Variants in CTNNA3 observed in about 807,000 individuals in gnomAD.
The protein encoded by CTNNA3 is catenin alpha 3.
CTNNA3 carries 76 observed loss-of-function variants against 95.7 expected under a neutral mutation model. The observed-to-expected ratio is 0.79, with a 90% CI of 0.66 to 0.96. CTNNA3 has a LOEUF of 0.96. Ranked by LOEUF, CTNNA3 falls within the 40% of genes least tolerant of loss-of-function variation. The pLI, the probability that CTNNA3 is intolerant of heterozygous loss-of-function variation, is 0.00. For missense variants in CTNNA3, 1,191 were observed against 1,089.8 expected, an observed-to-expected ratio of 1.09 and a Z score of -1.31; for synonymous variants, 431 against 374.4, an observed-to-expected ratio of 1.15 and a Z score of -1.74.
intron 5 of CTNNA3, among the ~76,000 whole-genome samples, chr10:67,406,948 C>A (rs1421359051): frequency 6.6e-6 from 1 of 152,026 alleles, no homozygotes; most frequent in Non-Finnish European, 1.5e-5. Flanking sequence ...CCAAAAAAAG[C>A]CCATAACCAG....
chr10:66,023,255 G>A (rs141428790), intron 15 of CTNNA3, among the ~76,000 whole-genome samples: 2 of 152,262 alleles, frequency 1.3e-5, no homozygotes, highest in East Asian at 3.9e-4. Flanking sequence ...TAAGTAGTTC[G>A]TGGAATTGCA....
intron 7 of CTNNA3, among the ~76,000 whole-genome samples, chr10:67,056,930 C>T (rs1365165536): frequency 6.6e-6 from 1 of 152,088 alleles, no homozygotes; most frequent in Non-Finnish European, 1.5e-5. Flanking sequence ...TGCTCATGCT[C>T]CTGGGTGCAA....
In CTNNA3 at chr10:67,575,761, C is replaced by T. The variant is rs554189271; in HGVS notation, c.292+31096G>A. 2.0e-5 allele frequency among the ~76,000 whole-genome samples: 3 copies of T among 152,278 alleles called. No individual in the cohort carries two copies. The South Asian group carries it at 6.2e-4, about 32-fold the overall frequency. ...CTCTTCTTGTTTTCATCTGTCAACA[C>T]CCTTCTGTTAGCTTTCCTTCTTCAG... On this transcript the variant is annotated intron_variant, in intron 3 of 17. Coordinates refer to ENST00000433211, the MANE Select transcript of CTNNA3 (RefSeq NM_013266.4).
intron 7 of CTNNA3, among the ~76,000 whole-genome samples, chr10:67,051,643 A>T (rs1206771005): frequency 6.6e-6 from 1 of 151,712 alleles, no homozygotes; most frequent in Non-Finnish European, 1.5e-5. Context: ...TGACCTCATG[A>T]TCTGTCCACC....
At chr10:67,357,048 C>A (rs1215406936) in intron 5 of CTNNA3, among the ~76,000 whole-genome samples, 1 of 152,102 alleles carries the variant, frequency 6.6e-6, no homozygotes, top group Non-Finnish European at 1.5e-5. Context: ...CCAACATTTT[C>A]TCTACCATCC....
At chr10:67,134,747 T>C (rs1018472601) in intron 7 of CTNNA3, among the ~76,000 whole-genome samples, 2 of 152,178 alleles carry the variant, frequency 1.3e-5, no homozygotes, top group Non-Finnish European at 2.9e-5. Flanking sequence ...AACTTTAAAC[T>C]AAGGCTGAGT....
At chr10:67,540,667 AAT>A (rs767500950) in intron 3 of CTNNA3, among the ~76,000 whole-genome samples, 16 of 152,088 alleles carry the variant, frequency 1.1e-4, no homozygotes, top group African/African-American at 3.6e-4. Context: ...CATATATACA[AAT>A]ATGTTTTATA....
At chr10:66,744,805 T>C (rs1177659876) in intron 9 of CTNNA3, among the ~76,000 whole-genome samples, 1 of 152,184 alleles carries the variant, frequency 6.6e-6, no homozygotes, top group Admixed American at 6.5e-5. Flanking sequence ...TGTGTATGAA[T>C]AAATGAAACT....
intron 13 of CTNNA3, among the ~76,000 whole-genome samples, chr10:66,179,501 G>T (rs930469086): frequency 6.6e-6 from 1 of 152,002 alleles, no homozygotes; most frequent in Admixed American, 6.6e-5. Flanking sequence ...CTATCGCTTT[G>T]CAAGGTGTTA....
At chr10:67,054,555 G>C (rs1050525462) in intron 7 of CTNNA3, 1 of 151,984 alleles carries the variant, frequency 6.6e-6, no homozygotes, top group Non-Finnish European at 1.5e-5. Context: ...ATGCCTTATT[G>C]GTTCCCTAAT....
chr10:66,959,764 C>G, intron 7 of CTNNA3, among the ~76,000 whole-genome samples: 1 of 152,150 alleles, frequency 6.6e-6, no homozygotes, highest in South Asian at 2.1e-4. Context: ...CTTTTCCTAG[C>G]TTTAATTTTC....
intron 5 of CTNNA3, among the ~76,000 whole-genome samples, chr10:67,459,847 T>C (rs542635745): frequency 1.3e-5 from 2 of 152,282 alleles, no homozygotes; most frequent in East Asian, 3.9e-4. Context: ...AGAATCTACA[T>C]TACAGCCAAG....
intron 5 of CTNNA3, among the ~76,000 whole-genome samples, chr10:67,386,115 C>T (rs1025077561): frequency 6.6e-6 from 1 of 152,168 alleles, no homozygotes. Flanking sequence ...AATATTCTAA[C>T]TTCCAAATAA....
intron 12 of CTNNA3, among the ~76,000 whole-genome samples, chr10:66,361,583 G>T (rs1175446719): frequency 6.8e-6 from 1 of 147,934 alleles, no homozygotes; most frequent in Non-Finnish European, 1.5e-5. Context: ...TGTCTCCCTG[G>T]CTGGAGTGGA....
chr10:67,074,562 G>A (rs1249705175), intron 7 of CTNNA3, among the ~76,000 whole-genome samples: 1 of 151,906 alleles, frequency 6.6e-6, no homozygotes, highest in Non-Finnish European at 1.5e-5. Flanking sequence ...ATGTTAGCCA[G>A]GATGGTCTCG....
Position 67,572,442 on chromosome 10 carries a change from A to T in CTNNA3, c.293-32773T>A, listed in dbSNP as rs1389016818. Among the ~76,000 whole-genome samples the T allele has an allele frequency of 2.6e-5, 4 of 152,076 alleles. No individual in the cohort carries two copies. The East Asian group carries it at 7.7e-4, about 29-fold the overall frequency. On this transcript the variant is annotated intron_variant, in intron 3 of 17. Coordinates refer to ENST00000433211, the MANE Select transcript of CTNNA3 (RefSeq NM_013266.4). ...ATTGGTTGATCCTTTATCCCCTCGA[A>T]GCATAACTTCCAGGCCTAATGCAGT...
At chr10:67,478,909 AT>A (rs1237509295) in intron 5 of CTNNA3, among the ~76,000 whole-genome samples, 2 of 151,676 alleles carry the variant, frequency 1.3e-5, no homozygotes, top group African/African-American at 4.8e-5. Context: ...CTACCAAGTA[AT>A]GAGTTGGGAA....
In CTNNA3 at chr10:67,219,638, G is replaced by T; in HGVS notation, c.812C>A (p.Ala271Glu). ...CTCATCAAGGGCACTTCCCAGGGTT[G>T]CTGCCTGAGGTTCTGGTGGGGTTGT... The part of the protein sequence containing the change: ...NMTTPPEPQA[A>E]TLGSALDELE... Residue 271 changes from alanine to glutamate, a missense_variant, in exon 6 of 18, where the codon GCA becomes GAA. Transcript: ENST00000433211. 6.2e-7 allele frequency: 1 copy of T among 1,613,894 alleles called. No homozygotes were observed. Among genetic ancestry groups the T allele is most frequent in the East Asian group, 2.2e-5 (1 of 44,880 alleles).
At chr10:67,054,391 A>G (rs1314340185) in intron 7 of CTNNA3, among the ~76,000 whole-genome samples, 1 of 151,986 alleles carries the variant, frequency 6.6e-6, no homozygotes, top group African/African-American at 2.4e-5. Flanking sequence ...CTAAGTGACC[A>G]ATGAGGACAG....
Sources: allele counts gnomAD v4.1 joint callset (sites outside exome capture counted in the v4.1 genomes callset), GRCh38; gene constraint gnomAD v4.1.1; transcripts MANE v1.5; gene names NCBI Gene and HGNC (gene_info 2026-07-23, HGNC 2026-07-21).